Variants in SMAD9 observed in about 807,000 individuals in gnomAD.
SMAD9 encodes the protein SMAD family member 9.
In SMAD9, 36 loss-of-function variants were observed where a neutral mutation model predicts 46.1. The observed-to-expected ratio is 0.78, with a 90% CI of 0.60 to 1.03. The LOEUF is 1.03. Ranked by LOEUF, SMAD9 falls within the 50% of genes least tolerant of loss-of-function variation. The pLI is 0.00. For synonymous variants in SMAD9, 245 were observed against 237.1 expected (o/e 1.03, Z -0.31); for missense variants, 572 against 599.8 (o/e 0.95, Z 0.48).
intron 1 of SMAD9, among the ~76,000 whole-genome samples, chr13:36,909,568 ATTT>A (rs2058644074): frequency 6.6e-6 from 1 of 152,200 alleles, no homozygotes; most frequent in Non-Finnish European, 1.5e-5. Context: ...TTATTTTATT[ATTT>A]AAGTTTGGAA....
At position 36,845,606 on chromosome 13, in the gene SMAD9, T is replaced by C. The variant is rs148397729; in HGVS notation, c.*3070A>G. 2.9e-4 allele frequency: 44 copies of C among 152,280 alleles called. No homozygotes were observed. The highest frequency in any genetic ancestry group is 8.7e-4 in the African/African-American group (36 of 41,568). The allele number at this position is 152,280 out of a possible 1,614,324, so 9.4% of individuals were successfully genotyped here. A position where few individuals can be genotyped will look rare whatever the true frequency, so the allele number is the denominator to read the frequency against. On this transcript the variant is annotated 3_prime_UTR_variant, in exon 7 of 7. Coordinates refer to ENST00000379826, the MANE Select transcript of SMAD9 (RefSeq NM_001127217.3). Reference sequence around the variant, plus strand: ...GGCTTAGCATGTCTGCTTTATTAGTTATCCTGGAAAGAATGCTATTCAGTT... The same window carrying C: ...GGCTTAGCATGTCTGCTTTATTAGTCATCCTGGAAAGAATGCTATTCAGTT...
At chr13:36,920,577 G>T (rs1313895886), upstream of SMAD9, 3 of 152,244 alleles carry the variant, frequency 2.0e-5, no homozygotes, top group Non-Finnish European at 2.9e-5. Flanking sequence ...TGGCCCGGGG[G>T]TGGGGTGGGA....
chr13:36,904,120 GCC>G (rs566064285), intron 1 of SMAD9, among the ~76,000 whole-genome samples: 3 of 152,050 alleles, frequency 2.0e-5, no homozygotes, highest in Non-Finnish European at 4.4e-5. Context: ...CACAAATCAA[GCC>G]ATATGGTCCC....
chr13:36,909,853 G>C (rs756664298), intron 1 of SMAD9, among the ~76,000 whole-genome samples: 1 of 152,246 alleles, frequency 6.6e-6, no homozygotes, highest in Non-Finnish European at 1.5e-5. Context: ...GTATACTTCT[G>C]TTTATTCCTC....
intron 1 of SMAD9, among the ~76,000 whole-genome samples, chr13:36,910,844 G>C (rs901448917): frequency 3.3e-5 from 5 of 152,134 alleles, no homozygotes; most frequent in East Asian, 1.9e-4. Flanking sequence ...CCCAGATTTG[G>C]TAAGTGTTTT....
chr13:36,904,267 T>G (rs999918624), intron 1 of SMAD9, among the ~76,000 whole-genome samples: 4 of 152,202 alleles, frequency 2.6e-5, no homozygotes, highest in Non-Finnish European at 4.4e-5. Context: ...TGGCAGGCAG[T>G]CTGATACCTG....
chr13:36,879,480 C>G lies in SMAD9; in HGVS notation c.210G>C (p.Thr70=), dbSNP rs755030932. 2 of 1,613,934 alleles carry G rather than the reference C, an allele frequency of 1.2e-6. No homozygotes were observed. The highest frequency in any genetic ancestry group is 1.7e-6 in the Non-Finnish European group (2 of 1,180,022). Residue 70 remains threonine (T), a synonymous_variant, in exon 2 of 7, where the codon ACG becomes ACC. Transcript: ENST00000379826. ...SCPGQPSKCV[T]IPRSLDGRLQ... is the part of the protein sequence containing the mutation. ...GCCGCCCGTCCAGGGAGCGGGGAAT[C>G]GTGACGCATTTGCTGGGCTGCCCCG...
At chr13:36,882,183 T>A (rs2058408470) in intron 1 of SMAD9, among the ~76,000 whole-genome samples, 1 of 151,906 alleles carries the variant, frequency 6.6e-6, no homozygotes, top group African/African-American at 2.4e-5. Context: ...AAAATAAGTA[T>A]AATAATAATC....
chr13:36,894,841 G>A (rs1206980841), intron 1 of SMAD9, among the ~76,000 whole-genome samples: 1 of 152,170 alleles, frequency 6.6e-6, no homozygotes, highest in Non-Finnish European at 1.5e-5. Flanking sequence ...AAATGCAAAT[G>A]ATGCCATGAA....
At chr13:36,881,352 C>A (rs2058400911) in intron 1 of SMAD9, among the ~76,000 whole-genome samples, 1 of 152,162 alleles carries the variant, frequency 6.6e-6, no homozygotes, top group South Asian at 2.1e-4. Flanking sequence ...TTATAATCTC[C>A]AACAATTGTT....
intron 1 of SMAD9, among the ~76,000 whole-genome samples, chr13:36,885,538 T>C (rs1440807271): frequency 1.3e-5 from 2 of 152,196 alleles, no homozygotes; most frequent in Non-Finnish European, 2.9e-5. Context: ...TGCAGTTGGA[T>C]ACACATAGAA....
At chr13:36,900,336 C>T (rs538708) in intron 1 of SMAD9, among the ~76,000 whole-genome samples, 17 of 151,600 alleles carry the variant, frequency 1.1e-4, no homozygotes, top group Admixed American at 7.9e-4. Context: ...GCTGGAGTGC[C>T]GTGGCGTGAT....
At chr13:36,919,819 G>A (rs1440846119) in intron 1 of SMAD9, among the ~76,000 whole-genome samples, 2 of 116,582 alleles carry the variant, frequency 1.7e-5, no homozygotes, top group African/African-American at 6.7e-5. Flanking sequence ...CCGGCCCCGC[G>A]CCCACCCCAC....
intron 1 of SMAD9, among the ~76,000 whole-genome samples, chr13:36,905,197 G>A (rs187612567): frequency 3.9e-5 from 6 of 152,154 alleles, no homozygotes; most frequent in South Asian, 2.1e-4. Flanking sequence ...GAGAATGATC[G>A]GGCTCCCAAT....
At chr13:36,893,260 T>C (rs2058502209) in intron 1 of SMAD9, among the ~76,000 whole-genome samples, 1 of 151,932 alleles carries the variant, frequency 6.6e-6, no homozygotes, top group Non-Finnish European at 1.5e-5. Flanking sequence ...CAGTCATTGT[T>C]GATAGTGGGG....
At chr13:36,909,916 G>T (rs1036879415) in intron 1 of SMAD9, among the ~76,000 whole-genome samples, 1 of 152,148 alleles carries the variant, frequency 6.6e-6, no homozygotes, top group African/African-American at 2.4e-5. Flanking sequence ...AAAAACAACC[G>T]GCTGGGCGCA....
At chr13:36,875,296 G>C (rs967786695) in intron 2 of SMAD9, among the ~76,000 whole-genome samples, 4 of 152,184 alleles carry the variant, frequency 2.6e-5, no homozygotes, top group African/African-American at 7.2e-5. Flanking sequence ...ATCTGCCTTT[G>C]ACACCATACA....
intron 1 of SMAD9, among the ~76,000 whole-genome samples, chr13:36,910,418 C>T (rs1179947677): frequency 1.3e-5 from 2 of 152,016 alleles, no homozygotes; most frequent in Non-Finnish European, 2.9e-5. Flanking sequence ...CTTGTCCAAA[C>T]CCACAGAATG....
At chr13:36,877,406 G>T (rs1029402634) in intron 2 of SMAD9, among the ~76,000 whole-genome samples, 8 of 152,086 alleles carry the variant, frequency 5.3e-5, no homozygotes, top group South Asian at 4.1e-4. Flanking sequence ...TTAAAATTAG[G>T]CTTTTGAATA....
Sources: gnomAD v4.1 joint callset for allele counts (sites outside exome capture counted in the v4.1 genomes callset) on GRCh38, gnomAD v4.1.1 for gene constraint, MANE v1.5 for transcripts, NCBI Gene and HGNC (gene_info 2026-07-23, HGNC 2026-07-21) for gene names.